THSD7A: variants seen among roughly 807,000 people sequenced by gnomAD.
The protein encoded by THSD7A is thrombospondin type-1 domain-containing protein 7A.
THSD7A carries 96 observed loss-of-function variants against 231.3 expected under a neutral mutation model. The ratio of observed to expected loss-of-function variants is 0.41; its 90% confidence interval spans 0.35 to 0.49. The LOEUF (loss-of-function observed/expected upper bound fraction) is 0.49, where lower values mean the gene tolerates loss of function less well. Among genes scored for constraint, THSD7A ranks in the 20% least tolerant of loss-of-function variants. The pLI is 0.05. For synonymous variants in THSD7A, 940 were observed against 743.3 expected (o/e 1.26, Z -4.30); for missense variants, 2,290 against 2,070.2 (o/e 1.11, Z -2.06).
intron 1 of THSD7A, among the ~76,000 whole-genome samples, chr7:11,742,081 T>C (rs1037633720): frequency 6.6e-6 from 1 of 151,934 alleles, no homozygotes; most frequent in Non-Finnish European, 1.5e-5. Context: ...GCAAAGTCTT[T>C]AACTTTTCAT....
chr7:11,705,520 T>C (rs1780737074), intron 1 of THSD7A, among the ~76,000 whole-genome samples: 1 of 150,948 alleles, frequency 6.6e-6, no homozygotes, highest in Non-Finnish European at 1.5e-5. Context: ...CTCTCCTTTC[T>C]GTCAGCCTAT....
chr7:11,377,808 A>T lies in THSD7A; in HGVS notation c.4802-1151T>A, dbSNP rs2115288147. 6.6e-6 allele frequency: 1 copy of T among 152,224 alleles called. No homozygotes were observed. The highest frequency in any genetic ancestry group is 2.4e-5 in the African/African-American group (1 of 41,568). 9.4% of individuals were successfully genotyped at this position (152,224 alleles called of 1,614,324 possible). ...ACATGCACCTTTTAAATATTTTAAA[A>T]TTTTAACTTTGGGGAAACTATATAT... On this transcript the variant is annotated intron_variant, in intron 26 of 27. Transcript: ENST00000423059. This position sits in a 1 kb window ranked among gnomAD's most constrained non-coding sequence, Gnocchi z 4.5.
At chr7:11,496,907 T>G (rs1787125575) in intron 6 of THSD7A, among the ~76,000 whole-genome samples, 1 of 152,212 alleles carries the variant, frequency 6.6e-6, no homozygotes, top group Non-Finnish European at 1.5e-5. Context: ...TGAGACTTTA[T>G]TAGAGCAGAC....
intron 2 of THSD7A, among the ~76,000 whole-genome samples, chr7:11,594,662 G>A (rs986636650): frequency 2.6e-5 from 4 of 152,148 alleles, no homozygotes; most frequent in Non-Finnish European, 5.9e-5. Flanking sequence ...CAATGGAAAA[G>A]TGATGAAAGA....
intron 2 of THSD7A, among the ~76,000 whole-genome samples, chr7:11,617,415 A>C (rs1781145046): frequency 6.6e-6 from 1 of 152,194 alleles, no homozygotes; most frequent in African/African-American, 2.4e-5. Context: ...AATTGCACGT[A>C]TATTTGTATG....
Position 11,590,411 on chromosome 7 carries a change from G to T in THSD7A, c.1453+49C>A. ...ATATATCCCTTCAGAGCAATCACAT[G>T]CTCAGTCAGTCTTCATAAGTGAATC... On this transcript the variant is annotated intron_variant, in intron 4 of 27. Transcript: ENST00000423059. This position sits in a 1 kb window ranked among gnomAD's most constrained non-coding sequence, Gnocchi z 4.4. The T allele has an allele frequency of 6.4e-7, 1 of 1,560,978 alleles. No individual in the cohort carries two copies. The highest frequency in any genetic ancestry group is 8.7e-7 in the Non-Finnish European group (1 of 1,151,308).
chr7:11,719,379 T>C (rs978570552), intron 1 of THSD7A, among the ~76,000 whole-genome samples: 7 of 151,864 alleles, frequency 4.6e-5, no homozygotes, highest in Middle Eastern at 6.8e-3. Flanking sequence ...ATATTGTCTG[T>C]AGGTCATTAC....
intron 22 of THSD7A, among the ~76,000 whole-genome samples, chr7:11,404,573 G>GTCTTC (rs1783519756): frequency 6.6e-6 from 1 of 152,186 alleles, no homozygotes; most frequent in African/African-American, 2.4e-5. Flanking sequence ...ACAGCCTTAG[G>GTCTTC]CTGGGTCTGC....
intron 1 of THSD7A, among the ~76,000 whole-genome samples, chr7:11,688,112 C>T (rs1245463676): frequency 6.8e-6 from 1 of 147,502 alleles, no homozygotes; most frequent in Non-Finnish European, 1.5e-5. Flanking sequence ...TTCCTGTGTC[C>T]ATGTGTTCTC....
intron 1 of THSD7A, among the ~76,000 whole-genome samples, chr7:11,769,151 A>ATTTTTTTCTT (rs1422492872): frequency 1.1e-4 from 4 of 35,488 alleles, no homozygotes; most frequent in Non-Finnish European, 2.4e-4. Context: ...ATATATATAT[A>ATTTTTTTCTT]TATTTTTTTT....
intron 23 of THSD7A, among the ~76,000 whole-genome samples, chr7:11,387,085 C>G (rs917915548): frequency 2.0e-5 from 3 of 152,110 alleles, no homozygotes; most frequent in South Asian, 2.1e-4. Flanking sequence ...TGTTTTGGTA[C>G]CAGTACCATG....
chr7:11,560,815 T>C (rs537350636), intron 4 of THSD7A, among the ~76,000 whole-genome samples: 3 of 152,290 alleles, frequency 2.0e-5, no homozygotes, highest in Non-Finnish European at 2.9e-5. Context: ...CTGAAAAGCA[T>C]TGACAAGTCA....
At chr7:11,689,873 C>T (rs1229219876) in intron 1 of THSD7A, among the ~76,000 whole-genome samples, 2 of 150,430 alleles carry the variant, frequency 1.3e-5, no homozygotes, top group East Asian at 2.0e-4. Context: ...CCAAGCCAGG[C>T]TCCAGAGATT....
At chr7:11,591,156 A>ATT (rs59544271) in intron 3 of THSD7A, among the ~76,000 whole-genome samples, 13,594 of 142,666 alleles carry the variant, frequency 0.095, 771 homozygotes, top group South Asian at 0.14. Flanking sequence ...CAAGAATAAG[A>ATT]TTTTTTTTTT....
intron 1 of THSD7A, among the ~76,000 whole-genome samples, chr7:11,738,031 A>ATC: frequency 7.1e-6 from 1 of 141,668 alleles, no homozygotes; most frequent in Middle Eastern, 3.5e-3. Flanking sequence ...GTATTTATAT[A>ATC]TCTATATCTA....
chr7:11,500,463 T>C (rs933046749), intron 6 of THSD7A, among the ~76,000 whole-genome samples: 1 of 152,064 alleles, frequency 6.6e-6, no homozygotes, highest in African/African-American at 2.4e-5. Context: ...CCATACATAT[T>C]AATACTAACC....
Position 11,462,026 on chromosome 7 carries a change from G to C in THSD7A, c.2486C>G (p.Ala829Gly). The stretch of plus-strand genomic sequence containing the variant: ...CTAACCCTACCTGTAGCTTTGGCAC[G>C]CTTGAGGTGCCTCACAGGCCTTCTC... ...YEEKACEAPQ[A>G]CQSYRWKTHK... Residue 829 changes from alanine to glycine, a missense_variant, in exon 10 of 28, where the codon GCG becomes GGG. Transcript: ENST00000423059. 1 of 1,613,548 alleles carries C rather than the reference G, an allele frequency of 6.2e-7. No individual in the cohort carries two copies.
At chr7:11,433,220 T>C (rs1340423611) in intron 13 of THSD7A, among the ~76,000 whole-genome samples, 1 of 152,058 alleles carries the variant, frequency 6.6e-6, no homozygotes, top group Admixed American at 6.6e-5. Context: ...CATTTTGACT[T>C]TAATTATGCT....
At chr7:11,809,792 C>A (rs566909096) in intron 1 of THSD7A, among the ~76,000 whole-genome samples, 1 of 152,194 alleles carries the variant, frequency 6.6e-6, no homozygotes, top group South Asian at 2.1e-4. Flanking sequence ...GGTTTTCCTG[C>A]TAAGGCCCAC....
Sources: allele counts gnomAD v4.1 joint callset (sites outside exome capture counted in the v4.1 genomes callset), GRCh38; gene constraint gnomAD v4.1.1; non-coding constraint Gnocchi (gnomAD v3.1); transcripts MANE v1.5; gene names NCBI Gene and HGNC (gene_info 2026-07-23, HGNC 2026-07-21).